The following RUFY2 variants were observed in gnomAD, a reference collection of about 807,000 sequenced individuals.
RUFY2 encodes RUN and FYVE domain-containing protein 2.
A neutral mutation model predicts 94.4 loss-of-function variants in RUFY2; 49 were observed. The observed-to-expected ratio is 0.52, with a 90% confidence interval of 0.41 to 0.66. RUFY2 has a LOEUF of 0.66. Ranked by LOEUF, RUFY2 falls within the 30% of genes least tolerant of loss-of-function variation. RUFY2 has a pLI of 0.00. For missense variants in RUFY2, 541 were observed against 692.8 expected, an observed-to-expected ratio of 0.78 and a Z score of 2.46; for synonymous variants, 255 against 235.7, an observed-to-expected ratio of 1.08 and a Z score of -0.75.
chr10:68,389,925 G>T (rs1475267825), intron 7 of RUFY2, among the ~76,000 whole-genome samples: 2 of 152,152 alleles, frequency 1.3e-5, no homozygotes, highest in Non-Finnish European at 2.9e-5. Flanking sequence ...AGTATCTCTG[G>T]ATACACAAGA....
chr10:68,406,044 G>A (rs145611410), intron 1 of RUFY2, among the ~76,000 whole-genome samples: 1 of 152,210 alleles, frequency 6.6e-6, no homozygotes, highest in East Asian at 1.9e-4. Context: ...TGTGACTGGT[G>A]GGAATACCTT....
At chr10:68,378,648 TTTGAG>T in intron 12 of RUFY2, 2 of 1,612,710 alleles carry the variant, frequency 1.2e-6, no homozygotes, top group Non-Finnish European at 1.7e-6. Context: ...ATTGTCCTAG[TTTGAG>T]TTAACAAATC....
chr10:68,366,759 TA>T (rs1554881596), intron 13 of RUFY2, among the ~76,000 whole-genome samples: 3 of 131,826 alleles, frequency 2.3e-5, no homozygotes, highest in Admixed American at 9.0e-5. Context: ...TATATATATA[TA>T]ATATTAAATA....
intron 4 of RUFY2, among the ~76,000 whole-genome samples, chr10:68,395,866 A>G (rs2050354520): frequency 6.6e-6 from 1 of 152,256 alleles, no homozygotes; most frequent in Non-Finnish European, 1.5e-5. Flanking sequence ...CAAAACCAGG[A>G]CTAAATTCTC....
chr10:68,355,528 T>C, intron 15 of RUFY2, 127 bp from the exon 16 acceptor site: 1 of 540,752 alleles, frequency 1.8e-6, no homozygotes, highest in East Asian at 3.3e-5. Context: ...TTTATGGCCT[T>C]CTCTGGCTAG....
chr10:68,402,839 CTTT>C (rs68013041), intron 2 of RUFY2, among the ~76,000 whole-genome samples: 14 of 109,870 alleles, frequency 1.3e-4, no homozygotes, highest in Admixed American at 3.0e-4. Flanking sequence ...CAAGCCATAT[CTTT>C]TTTTTTTTTT....
chr10:68,385,045 C>T (rs531806488), intron 8 of RUFY2, among the ~76,000 whole-genome samples: 3 of 152,224 alleles, frequency 2.0e-5, no homozygotes, highest in Middle Eastern at 3.4e-3. Context: ...AGGTGGATCA[C>T]GAGGTCAGGA....
At chr10:68,394,728 C>T (rs2050255389) in intron 4 of RUFY2, among the ~76,000 whole-genome samples, 2 of 151,786 alleles carry the variant, frequency 1.3e-5, no homozygotes, top group African/African-American at 4.8e-5. Flanking sequence ...CTCCCGGGTT[C>T]ACACCATTTT....
chr10:68,364,465 G>A (rs2047664927), intron 13 of RUFY2, among the ~76,000 whole-genome samples: 1 of 152,204 alleles, frequency 6.6e-6, no homozygotes, highest in Non-Finnish European at 1.5e-5. Context: ...GAGGAGGAAT[G>A]TAAGATTCTA....
intron 16 of RUFY2, chr10:68,346,702 T>TA (rs1235568808): frequency 6.6e-6 from 1 of 152,222 alleles, no homozygotes; most frequent in African/African-American, 2.4e-5. Flanking sequence ...GATGTTTTGA[T>TA]ACAGGCATGC....
intron 10 of RUFY2, among the ~76,000 whole-genome samples, chr10:68,381,767 G>A (rs1329495925): frequency 6.6e-6 from 1 of 152,116 alleles, no homozygotes; most frequent in Non-Finnish European, 1.5e-5. Flanking sequence ...AGAATCACTC[G>A]AACCCAGGAG....
intron 8 of RUFY2, 39 bp downstream of exon 8, chr10:68,386,020 C>T (rs2049469159): frequency 1.5e-6 from 2 of 1,377,184 alleles, no homozygotes; most frequent in Admixed American, 1.9e-5. Context: ...GGATCACAAA[C>T]ACTAGGTCCA....
chr10:68,380,148 C>A (rs1353342415), intron 11 of RUFY2, among the ~76,000 whole-genome samples: 1 of 150,994 alleles, frequency 6.6e-6, no homozygotes, highest in Non-Finnish European at 1.5e-5. Context: ...CTATGTTCAC[C>A]AGGCTGGTCT....
chr10:68,381,724 T>C (rs185298930), intron 10 of RUFY2, among the ~76,000 whole-genome samples: 82 of 152,224 alleles, frequency 5.4e-4, no homozygotes, highest in African/African-American at 1.9e-3. Context: ...GGCACACGCC[T>C]GTAGTCCCAG....
chr10:68,368,736 G>C (rs889308146), intron 13 of RUFY2, among the ~76,000 whole-genome samples: 3 of 152,130 alleles, frequency 2.0e-5, no homozygotes, highest in Non-Finnish European at 4.4e-5. Flanking sequence ...AGGAATCAAA[G>C]AACAACATGG....
intron 1 of RUFY2, chr10:68,405,328 G>T (rs375803777): frequency 1.6e-4 from 31 of 188,008 alleles, no homozygotes; most frequent in Non-Finnish European, 2.3e-4. Context: ...AAAAAAAAAA[G>T]AAAAAGAAAG....
Position 68,356,267 on chromosome 10 carries a change from G to A in RUFY2, c.1551-866C>T, listed in dbSNP as rs531753087. Among the ~76,000 whole-genome samples, 4 of 152,194 alleles carry A rather than the reference G, an allele frequency of 2.6e-5. No homozygotes were observed. In the South Asian group the frequency reaches 8.3e-4, roughly 32 times the overall value. On this transcript the variant is annotated intron_variant, in intron 15 of 17. Coordinates refer to ENST00000602465, the MANE Select transcript of RUFY2 (RefSeq NM_001330103.2). ...ACCTGTAATCCCAGCACTTTTGGGG[G>A]CCAAGGCGGGTGAATCATCTGAGGT...
chr10:68,341,555 C>A (rs1456144109), downstream of RUFY2: 9 of 1,415,500 alleles, frequency 6.4e-6, no homozygotes, highest in Non-Finnish European at 8.9e-6. Context: ...ATTCCTTTCT[C>A]CCCTGTTACT....
In RUFY2 at chr10:68,386,143, CA is replaced by C. The variant is rs1476054309; in HGVS notation, c.651-16del. ...TGACTGTGCTGCTGAAATTAAGAAA[CA>C]AAAAAACTCATTCAAAATCACACGA... is the stretch of plus-strand genomic sequence containing the variant. On this transcript the variant is annotated splice_polypyrimidine_tract_variant and intron_variant, in intron 7 of 17. Coordinates refer to ENST00000602465, the MANE Select transcript of RUFY2 (RefSeq NM_001330103.2). 1.3e-6 allele frequency: 2 copies of C among 1,594,106 alleles called. No homozygotes were observed. The highest frequency in any genetic ancestry group is 1.8e-5 in the Admixed American group (1 of 55,516).
Sources: allele counts gnomAD v4.1 joint callset (sites outside exome capture counted in the v4.1 genomes callset), GRCh38; gene constraint gnomAD v4.1.1; transcripts MANE v1.5; gene names NCBI Gene and HGNC (gene_info 2026-07-23, HGNC 2026-07-21).